The following GNAL variants were observed in gnomAD, a reference collection of about 807,000 sequenced individuals.
GNAL encodes guanine nucleotide-binding protein G(olf) subunit alpha.
In GNAL, 18 loss-of-function variants were observed where a neutral mutation model predicts 55.1. The ratio of observed to expected loss-of-function variants is 0.33; its 90% CI spans 0.23 to 0.48. The LOEUF is 0.48. Among genes scored for constraint, GNAL ranks in the 20% least tolerant of loss-of-function variants. GNAL has a pLI of 0.99. For missense variants in GNAL, 412 were observed against 614.1 expected (o/e 0.67, Z 3.48); for synonymous variants, 253 against 237.0 (o/e 1.07, Z -0.62).
chr18:11,826,283 AGCGG>A (rs1250056649), intron 5 of GNAL, among the ~76,000 whole-genome samples: 25 of 18,386 alleles, frequency 1.4e-3, no homozygotes, highest in South Asian at 4.8e-3. Flanking sequence ...GAGGAGGAGG[AGCGG>A]GGAGGGGGAA....
intron 4 of GNAL, among the ~76,000 whole-genome samples, chr18:11,803,692 A>G (rs2034579213): frequency 6.7e-6 from 1 of 150,268 alleles, no homozygotes; most frequent in Admixed American, 6.6e-5. Flanking sequence ...ACACGGAGAT[A>G]TTGTGTAGCG....
At chr18:11,728,344 G>A (rs2032258997) in intron 1 of GNAL, among the ~76,000 whole-genome samples, 1 of 152,166 alleles carries the variant, frequency 6.6e-6, no homozygotes, top group Non-Finnish European at 1.5e-5. Context: ...TGATTTAAAA[G>A]GACTCACATT....
chr18:11,798,488 C>T (rs1168548412), intron 4 of GNAL, among the ~76,000 whole-genome samples: 1 of 152,154 alleles, frequency 6.6e-6, no homozygotes, highest in Non-Finnish European at 1.5e-5. Context: ...CTTCACCCCA[C>T]CCAGCTCATT....
rs1295973151 is a variant in GNAL at position 11,787,923 on chromosome 18, C to T, written c.624+33978C>T. Among the ~76,000 whole-genome samples the T allele has an allele frequency of 3.3e-5, 5 of 151,780 alleles. No homozygotes were observed. In the South Asian group the frequency reaches 8.3e-4, roughly 25 times the overall value. On this transcript the variant is annotated intron_variant, in intron 4 of 11. Transcript: ENST00000334049. The stretch of plus-strand genomic sequence containing the variant: ...GCTTAATAGGATCATGGGCAGCCGG[C>T]ACTGGTTTGGCCAATCCCAGAGAAA...
At chr18:11,859,323 C>T (rs1013365391) in intron 5 of GNAL, among the ~76,000 whole-genome samples, 1 of 152,192 alleles carries the variant, frequency 6.6e-6, no homozygotes, top group African/African-American at 2.4e-5. Flanking sequence ...CCCGTCCCAC[C>T]CCGGCAGAAA....
At position 11,885,509 on chromosome 18, in the gene GNAL, C is replaced by T. The variant is rs1191043311; in HGVS notation, c.*4374C>T. The T allele has an allele frequency of 1.0e-5, 8 of 776,190 alleles. No individual in the cohort carries two copies. The highest frequency in any genetic ancestry group is 1.6e-5 in the Non-Finnish European group (8 of 487,962). 48.1% of individuals were successfully genotyped at this position (776,190 alleles called of 1,614,324 possible). A position where few individuals can be genotyped will look rare whatever the true frequency, so the allele number is the denominator to read the frequency against. On this transcript the variant is annotated 3_prime_UTR_variant, in exon 12 of 12. Transcript: ENST00000334049. ...CAGGAATGTCATGCTGATTGGTTCC[C>T]GGAAGGGTGTTTGGCAAGGGGCAGT...
chr18:11,689,839 C>T lies in GNAL; in HGVS notation c.276C>T (p.Arg92=). The change falls in exon 1 of 12, where the codon CGC becomes CGT. Residue 92 remains arginine, a synonymous_variant. Transcript: ENST00000334049. ...AGGAGCGCGAGGCGGCCAAGGAGCGCGAGGCGGTCAAGGAGGCGAGGAAAG... is the reference window on the plus strand; with the variant it reads ...AGGAGCGCGAGGCGGCCAAGGAGCGTGAGGCGGTCAAGGAGGCGAGGAAAG... ...SAEEREAAKE[R]EAVKEARKVS... 1 of 1,537,318 alleles carries T rather than the reference C, an allele frequency of 6.5e-7. No homozygotes were observed. Among genetic ancestry groups the T allele is most frequent in the Non-Finnish European group, 8.7e-7 (1 of 1,145,094 alleles).
chr18:11,762,651 C>T (rs375759913), intron 4 of GNAL, among the ~76,000 whole-genome samples: 44 of 152,266 alleles, frequency 2.9e-4, no homozygotes, highest in African/African-American at 9.1e-4. Flanking sequence ...CAGGCCACGG[C>T]GGGTTAGGGA....
At chr18:11,726,555 C>T (rs2032215550) in intron 1 of GNAL, among the ~76,000 whole-genome samples, 1 of 152,220 alleles carries the variant, frequency 6.6e-6, no homozygotes, top group South Asian at 2.1e-4. Context: ...TCCTCGCGCC[C>T]TGGGGTTTCT....
In GNAL at chr18:11,751,558, G is replaced by A. The variant is rs1007315678; in HGVS notation, c.377-1295G>A. 1 of 985,412 alleles carries A rather than the reference G, an allele frequency of 1.0e-6. No individual in the cohort carries two copies. Among genetic ancestry groups the A allele is most frequent in the African/African-American group, 1.7e-5 (1 of 57,256 alleles). 61.0% of individuals were successfully genotyped at this position (985,412 alleles called of 1,614,324 possible). On this transcript the variant is annotated intron_variant, in intron 1 of 11. Transcript: ENST00000334049. This position sits in a 1 kb window ranked among gnomAD's most constrained non-coding sequence, Gnocchi z 4.5. Reference sequence around the variant, plus strand: ...CCTGCTAGAATATGCATGATCCTCCGCGAGTCTTCGCCCGCCAGGAGCAGG... The same window carrying A: ...CCTGCTAGAATATGCATGATCCTCCACGAGTCTTCGCCCGCCAGGAGCAGG...
At position 11,695,922 on chromosome 18, in the gene GNAL, G is replaced by GCACACA. The variant is rs10661294; in HGVS notation, c.376+6008_376+6013dup. 1.2e-4 allele frequency among the ~76,000 whole-genome samples: 16 copies of GCACACA among 136,100 alleles called. No individual in the cohort carries two copies. The South Asian group carries it at 1.6e-3, about 13-fold the overall frequency. The allele number at this position is 136,100 out of a possible 152,430, so 89.3% of individuals were successfully genotyped here. A position where few individuals can be genotyped will look rare whatever the true frequency, so the allele number is the denominator to read the frequency against. On this transcript the variant is annotated intron_variant, in intron 1 of 11. Coordinates refer to ENST00000334049, the MANE Select transcript of GNAL (RefSeq NM_182978.4). ...CATGCTCAGACATGCATGCACGCATGCACACACACACACACACACACACAC... is the reference window on the plus strand; with the variant it reads ...CATGCTCAGACATGCATGCACGCATGCACACACACACACACACACACACACACACAC...
chr18:11,779,084 C>T (rs567339956), intron 4 of GNAL, among the ~76,000 whole-genome samples: 4 of 152,178 alleles, frequency 2.6e-5, no homozygotes, highest in African/African-American at 9.6e-5. Flanking sequence ...AGAGACAGCA[C>T]GTAGAGGTGA....
chr18:11,876,414 G>A (rs925842094), intron 10 of GNAL, among the ~76,000 whole-genome samples: 2 of 145,698 alleles, frequency 1.4e-5, no homozygotes, highest in African/African-American at 5.3e-5. Context: ...AGTGAGCCGA[G>A]ATCATGCCAC....
chr18:11,865,767 A>T (rs1195648272), intron 7 of GNAL, among the ~76,000 whole-genome samples: 1 of 147,424 alleles, frequency 6.8e-6, no homozygotes, highest in Non-Finnish European at 1.5e-5. Flanking sequence ...AAAAAAAAAA[A>T]AAAAAAAAAG....
At chr18:11,877,887 C>T (rs190727114) in intron 11 of GNAL, among the ~76,000 whole-genome samples, 88 of 149,264 alleles carry the variant, frequency 5.9e-4, no homozygotes, top group Admixed American at 1.3e-3. Context: ...AGTGCATGGC[C>T]GTAAGTGCAT....
At chr18:11,713,401 G>A (rs1018475319) in intron 1 of GNAL, among the ~76,000 whole-genome samples, 8 of 152,208 alleles carry the variant, frequency 5.3e-5, no homozygotes, top group Admixed American at 2.0e-4. Context: ...GAGCATCTTT[G>A]GGTTTCTCCA....
chr18:11,700,432 T>C (rs1207087218), intron 1 of GNAL, among the ~76,000 whole-genome samples: 1 of 152,248 alleles, frequency 6.6e-6, no homozygotes, highest in Non-Finnish European at 1.5e-5. Context: ...GGCCAGGCCA[T>C]GTGTCCCATC....
At chr18:11,762,932 C>T (rs954915545) in intron 4 of GNAL, among the ~76,000 whole-genome samples, 1 of 152,134 alleles carries the variant, frequency 6.6e-6, no homozygotes. Context: ...GGGAAACCCC[C>T]ACTGAGAATA....
intron 1 of GNAL, among the ~76,000 whole-genome samples, chr18:11,747,965 A>G (rs1199504146): frequency 6.6e-6 from 1 of 152,126 alleles, no homozygotes; most frequent in Non-Finnish European, 1.5e-5. Flanking sequence ...ACAGACGCTC[A>G]CACTGGCAGC....
Sources: allele counts gnomAD v4.1 joint callset (sites outside exome capture counted in the v4.1 genomes callset), GRCh38; gene constraint gnomAD v4.1.1; non-coding constraint Gnocchi (gnomAD v3.1); transcripts MANE v1.5; gene names NCBI Gene and HGNC (gene_info 2026-07-23, HGNC 2026-07-21).